Variants in PM20D2 observed in about 807,000 individuals in gnomAD.
PM20D2 encodes the protein xaa-Arg dipeptidase.
PM20D2 carries 33 observed loss-of-function variants against 42.9 expected under a neutral mutation model. That is an observed-to-expected ratio of 0.77 (90% CI 0.58 to 1.03). PM20D2 has a LOEUF of 1.03. Ranked by LOEUF, PM20D2 falls within the 50% of genes least tolerant of loss-of-function variation. The pLI is 0.00. For missense variants in PM20D2, 548 were observed against 557.0 expected (o/e 0.98, Z 0.16); for synonymous variants, 250 against 228.2 (o/e 1.10, Z -0.86).
chr6:89,126,734 A>G, the PM20D2 span, among the ~76,000 whole-genome samples: 1 of 151,466 alleles, frequency 6.6e-6, no homozygotes, highest in African/African-American at 2.4e-5. Context: ...AACAATGACC[A>G]GCCCAGTACC....
Position 89,146,533 on chromosome 6 carries a change from C to T in PM20D2, c.389C>T (p.Ala130Val), listed in dbSNP as rs1770564921. 1.3e-6 allele frequency: 2 copies of T among 1,509,646 alleles called. No individual in the cohort carries two copies. Among genetic ancestry groups the T allele is most frequent in the East Asian group, 5.3e-5 (2 of 37,970 alleles). 93.5% of individuals were successfully genotyped at this position (1,509,646 alleles called of 1,614,324 possible). A position where few individuals can be genotyped will look rare whatever the true frequency, so the allele number is the denominator to read the frequency against. Residue 130 changes from alanine (A) to valine (V), a missense_variant, in exon 1 of 7, where the codon GCT (alanine) becomes GTT (valine). Physicochemically the swap from Ala to Val is moderately conservative, Grantham distance 64. This residue lies in a region of PM20D2 where 470 missense variants were observed against 464.4 expected (regional missense o/e 1.01). Transcript: ENST00000275072. ...CACGCCTGCGGCCACAACCTCATCG[C>T]TGAGGTCGGGGCGGCGGCCGCGCTG... ...IGHACGHNLI[A>V]EVGAAAALGV...
chr6:89,104,665 T>C, the PM20D2 span, among the ~76,000 whole-genome samples: 1 of 152,192 alleles, frequency 6.6e-6, no homozygotes, highest in Non-Finnish European at 1.5e-5. Context: ...TAACAATATA[T>C]GATAAATAGA....
chr6:89,096,159 T>C, the PM20D2 span: 5 of 140,622 alleles, frequency 3.6e-5, no homozygotes, highest in Admixed American at 2.2e-4. Flanking sequence ...CTAATTCTAT[T>C]CTCTCATTTC....
chr6:89,104,576 A>ATAT, the PM20D2 span, among the ~76,000 whole-genome samples: 1 of 151,096 alleles, frequency 6.6e-6, no homozygotes, highest in African/African-American at 2.5e-5. Context: ...TGCTCACTAT[A>ATAT]TATTATCTTC....
the PM20D2 span, chr6:89,096,202 TGTCA>T: frequency 6.6e-6 from 1 of 152,230 alleles, no homozygotes. Flanking sequence ...AGCATATACC[TGTCA>T]AAGACTTCTC....
the PM20D2 span, among the ~76,000 whole-genome samples, chr6:89,120,216 T>G: frequency 6.6e-6 from 1 of 152,118 alleles, no homozygotes; most frequent in Non-Finnish European, 1.5e-5. Flanking sequence ...GAAATTTGGG[T>G]GGGGACAGAG....
Position 89,162,267 on chromosome 6 carries a change from A to G in PM20D2, c.*4A>G. 3.1e-6 allele frequency: 5 copies of G among 1,601,706 alleles called. No homozygotes were observed. The highest frequency in any genetic ancestry group is 4.3e-6 in the Non-Finnish European group (5 of 1,175,280). ...GTTTGTAAATGCAGTAGAATAAAAG[A>G]CTTAGGGGCCACTTATAAATCAAGA... On this transcript the variant is annotated 3_prime_UTR_variant, in exon 7 of 7. Coordinates refer to ENST00000275072, the MANE Select transcript of PM20D2 (RefSeq NM_001010853.3).
intron 5 of PM20D2, among the ~76,000 whole-genome samples, chr6:89,159,788 AGAG>A (rs903681504): frequency 9.2e-5 from 14 of 152,182 alleles, no homozygotes; most frequent in African/African-American, 3.4e-4. Flanking sequence ...ATTGCCACTG[AGAG>A]GAGTTGTCCA....
the PM20D2 span, among the ~76,000 whole-genome samples, chr6:89,102,859 C>G: frequency 6.6e-6 from 1 of 152,134 alleles, no homozygotes; most frequent in Non-Finnish European, 1.5e-5. Context: ...TCAAGGAGTC[C>G]TCACACCTCA....
intron 2 of PM20D2, among the ~76,000 whole-genome samples, chr6:89,150,095 A>T (rs1189986232): frequency 6.6e-6 from 1 of 152,156 alleles, no homozygotes; most frequent in East Asian, 1.9e-4. Flanking sequence ...GCTTCAGCAA[A>T]ACCATGTGTT....
chr6:89,098,541 T>C, the PM20D2 span: 4 of 1,549,172 alleles, frequency 2.6e-6, no homozygotes, highest in Non-Finnish European at 3.5e-6. Context: ...TTTAATAACT[T>C]ATATTAAAGA....
At chr6:89,144,180 T>C (rs1194060747), upstream of PM20D2, among the ~76,000 whole-genome samples, 1 of 73,984 alleles carries the variant, frequency 1.4e-5, no homozygotes, top group African/African-American at 5.5e-5. Flanking sequence ...CCCACCCACA[T>C]ATATACACAA....
chr6:89,103,332 T>A, the PM20D2 span, among the ~76,000 whole-genome samples: 2 of 125,362 alleles, frequency 1.6e-5, no homozygotes, highest in African/African-American at 8.1e-5. Flanking sequence ...ATTTAAATTC[T>A]TTTTTTTTTT....
At chr6:89,137,479 G>C in the PM20D2 span, among the ~76,000 whole-genome samples, 1 of 152,206 alleles carries the variant, frequency 6.6e-6, no homozygotes, top group African/African-American at 2.4e-5. Flanking sequence ...AACTACAGTG[G>C]ATGATCCTAT....
At chr6:89,162,016 G>C (rs898535936) in intron 6 of PM20D2, 93 bp from the exon 7 acceptor site, 51 of 1,510,690 alleles carry the variant, frequency 3.4e-5, no homozygotes, top group Non-Finnish European at 4.6e-5. Flanking sequence ...GTGGTGGGCA[G>C]TTGGAGAGCC....
At chr6:89,111,377 T>C in the PM20D2 span, among the ~76,000 whole-genome samples, 1 of 152,222 alleles carries the variant, frequency 6.6e-6, no homozygotes, top group Non-Finnish European at 1.5e-5. Flanking sequence ...CATTTTTTGT[T>C]AACTGTTTTC....
chr6:89,119,750 A>T, the PM20D2 span, among the ~76,000 whole-genome samples: 1 of 152,170 alleles, frequency 6.6e-6, no homozygotes, highest in Non-Finnish European at 1.5e-5. Context: ...TTGGCTGTGG[A>T]TACATAGATC....
At chr6:89,105,170 C>T in the PM20D2 span, 1 of 1,612,370 alleles carries the variant, frequency 6.2e-7, no homozygotes, top group Non-Finnish European at 8.5e-7. Context: ...AGAACTTCTA[C>T]TTCGAGTTCT....
chr6:89,141,438 T>C (rs1275477911), upstream of PM20D2, among the ~76,000 whole-genome samples: 1 of 152,122 alleles, frequency 6.6e-6, no homozygotes, highest in Non-Finnish European at 1.5e-5. Flanking sequence ...CAATCTTGGC[T>C]CACTGCAACC....
Sources: gnomAD v4.1 joint callset for allele counts (sites outside exome capture counted in the v4.1 genomes callset) on GRCh38, gnomAD v4.1.1 for gene constraint, gnomAD v4.1.1 regional missense constraint, MANE v1.5 for transcripts, NCBI Gene and HGNC (gene_info 2026-07-23, HGNC 2026-07-21) for gene names.